Variants in METTL25 observed in about 807,000 individuals in gnomAD.
METTL25 encodes probable methyltransferase-like protein 25.
A neutral mutation model predicts 71.6 loss-of-function variants in METTL25; 64 were observed. The ratio of observed to expected loss-of-function variants is 0.89; its 90% CI spans 0.73 to 1.10. The LOEUF (loss-of-function observed/expected upper bound fraction) is 1.10. Ranked by LOEUF, METTL25 falls within the 50% of genes least tolerant of loss-of-function variation. The pLI is 0.00. For synonymous variants in METTL25, 287 were observed against 250.3 expected (o/e 1.15, Z -1.38); for missense variants, 807 against 707.0 (o/e 1.14, Z -1.60).
intron 5 of METTL25, among the ~76,000 whole-genome samples, chr12:82,429,663 G>T (rs1203435390): frequency 2.0e-5 from 3 of 151,432 alleles, no homozygotes; most frequent in African/African-American, 7.3e-5. Context: ...TACATGATTT[G>T]CATTTCCCTG....
intron 2 of METTL25, among the ~76,000 whole-genome samples, chr12:82,387,657 T>A (rs568732465): frequency 3.9e-4 from 59 of 152,080 alleles, no homozygotes; most frequent in African/African-American, 1.4e-3. Flanking sequence ...TTCACCTAGA[T>A]TCACCATGTG....
intron 8 of METTL25, among the ~76,000 whole-genome samples, chr12:82,456,089 C>A (rs1891469863): frequency 6.6e-6 from 1 of 151,866 alleles, no homozygotes; most frequent in South Asian, 2.1e-4. Context: ...AATGAGGCTT[C>A]ATTCCTTGTT....
intron 9 of METTL25, 144 bp from the exon 10 acceptor site, chr12:82,476,500 T>C: frequency 1.6e-6 from 1 of 606,956 alleles, no homozygotes; most frequent in Non-Finnish European, 2.9e-6. Context: ...CTTGACTTGC[T>C]TCATGAATAT....
intron 1 of METTL25, among the ~76,000 whole-genome samples, chr12:82,373,727 C>T (rs932130494): frequency 3.9e-5 from 6 of 152,176 alleles, no homozygotes; most frequent in African/African-American, 1.2e-4. Flanking sequence ...TCTGTCAACC[C>T]TTGGCTCAGC....
At chr12:82,421,598 GC>G (rs1176670413) in intron 5 of METTL25, among the ~76,000 whole-genome samples, 1 of 151,486 alleles carries the variant, frequency 6.6e-6, no homozygotes, top group Non-Finnish European at 1.5e-5. Flanking sequence ...AGATAGAGAA[GC>G]CAAAAACCCT....
intron 1 of METTL25, among the ~76,000 whole-genome samples, chr12:82,367,255 T>C (rs1205223363): frequency 6.6e-6 from 1 of 152,236 alleles, no homozygotes; most frequent in Non-Finnish European, 1.5e-5. Context: ...TGGTTGCCTC[T>C]ATTCGTTTGG....
chr12:82,399,350 A>T lies in METTL25; in HGVS notation c.1087A>T (p.Ile363Phe), dbSNP rs770667481. 1.2e-6 allele frequency: 2 copies of T among 1,602,576 alleles called. No homozygotes were observed. Among genetic ancestry groups the T allele is most frequent in the South Asian group, 1.1e-5 (1 of 88,428 alleles). The part of the protein sequence containing the change: ...SNIYSPLTSF[I>F]TADSELHDII... The stretch of plus-strand genomic sequence containing the variant: ...TATATATTCACCTTTAACCTCTTTT[A>T]TCACTGCTGATTCAGAACTCCATGA... The change falls in exon 4 of 12, where the codon ATC becomes TTC. Residue 363 changes from isoleucine to phenylalanine, a missense_variant. Coordinates refer to ENST00000248306, the MANE Select transcript of METTL25 (RefSeq NM_032230.3).
chr12:82,378,100 C>T (rs1884063096), intron 1 of METTL25, among the ~76,000 whole-genome samples: 1 of 151,966 alleles, frequency 6.6e-6, no homozygotes, highest in Non-Finnish European at 1.5e-5. Flanking sequence ...GTGCTGAAAA[C>T]TGTTGGTTCT....
intron 8 of METTL25, among the ~76,000 whole-genome samples, chr12:82,442,501 C>A (rs536883955): frequency 1.3e-5 from 2 of 152,202 alleles, no homozygotes; most frequent in South Asian, 2.1e-4. Flanking sequence ...CCATATGATT[C>A]TATTTATATA....
rs185248478 is a variant in METTL25, at chr12:82,436,505, T to A, written c.1404+1781T>A. 7.9e-5 allele frequency among the ~76,000 whole-genome samples: 12 copies of A among 151,604 alleles called. No individual in the cohort carries two copies. The East Asian group carries it at 2.1e-3, about 27-fold the overall frequency. On this transcript the variant is annotated intron_variant, in intron 7 of 11. Coordinates refer to ENST00000248306, the MANE Select transcript of METTL25 (RefSeq NM_032230.3). ...TATTTACCAGGATAGGTAGTCCGAC[T>A]TAGTTATTCCAGTAATGCACATTTG... is the stretch of plus-strand genomic sequence containing the variant.
At chr12:82,441,851 A>C (rs1890370875) in intron 8 of METTL25, among the ~76,000 whole-genome samples, 2 of 135,380 alleles carry the variant, frequency 1.5e-5, no homozygotes, top group Non-Finnish European at 3.2e-5. Context: ...CTGTGACTCC[A>C]CTCTCACCTA....
At chr12:82,439,076 G>A (rs1376896204) in intron 8 of METTL25, 3 of 206,358 alleles carry the variant, frequency 1.5e-5, no homozygotes, top group South Asian at 1.7e-4. Flanking sequence ...AAATAGTTCA[G>A]TGACGATATT....
chr12:82,434,605 A>T lies in METTL25; in HGVS notation c.1375-90A>T, dbSNP rs543881558. ...ATTATCACATAATTAATCTTTCTAA[A>T]TGTCAGTTTTACAAACTCTTATACA... On this transcript the variant is annotated intron_variant, in intron 6 of 11. Coordinates refer to ENST00000248306, the MANE Select transcript of METTL25 (RefSeq NM_032230.3). 9.2e-5 allele frequency: 94 copies of T among 1,021,814 alleles called. No individual in the cohort carries two copies. In the African/African-American group the frequency reaches 1.4e-3, roughly 16 times the overall value. 63.3% of individuals were successfully genotyped at this position (1,021,814 alleles called of 1,614,324 possible). A position where few individuals can be genotyped will look rare whatever the true frequency, so the allele number is the denominator to read the frequency against.
intron 1 of METTL25, among the ~76,000 whole-genome samples, chr12:82,365,341 A>C (rs1264680212): frequency 6.6e-6 from 1 of 152,198 alleles, no homozygotes; most frequent in African/African-American, 2.4e-5. Flanking sequence ...TACAGATTAC[A>C]ATAAAATACC....
intron 5 of METTL25, among the ~76,000 whole-genome samples, chr12:82,424,605 A>AC (rs1888845461): frequency 6.6e-6 from 1 of 152,020 alleles, no homozygotes; most frequent in African/African-American, 2.4e-5. Context: ...ACAGAAGACT[A>AC]TAGGATTCCA....
intron 4 of METTL25, among the ~76,000 whole-genome samples, chr12:82,400,644 G>A (rs1216375771): frequency 6.6e-6 from 1 of 151,866 alleles, no homozygotes; most frequent in Non-Finnish European, 1.5e-5. Flanking sequence ...AAATCTTGCT[G>A]AAAATATATG....
At chr12:82,366,635 ATTG>A (rs1449379384) in intron 1 of METTL25, among the ~76,000 whole-genome samples, 1 of 147,268 alleles carries the variant, frequency 6.8e-6, no homozygotes, top group Admixed American at 6.8e-5. Flanking sequence ...AGTAGTTTTT[ATTG>A]TTGGTGGTGG....
chr12:82,476,750 A>G (rs367889734), intron 10 of METTL25, 32 bp downstream of exon 10: 3 of 1,405,384 alleles, frequency 2.1e-6, no homozygotes, highest in Non-Finnish European at 3.0e-6. Flanking sequence ...ATTAAATTGG[A>G]TATGTTGCTA....
At position 82,358,574 on chromosome 12, in the gene METTL25, T is replaced by C; in HGVS notation, c.9T>C (p.Ala3=). Residue 3 remains alanine, a synonymous_variant, in exon 1 of 12, where the codon GCT becomes GCC. Transcript: ENST00000248306. The part of the protein sequence containing the change: MA[A]SCPLPVTPDL... Reference sequence around the variant, plus strand: ...CTCGGAGGGTGAGCGTCATGGCGGCTTCTTGCCCTCTCCCGGTGACCCCGG... The same window carrying C: ...CTCGGAGGGTGAGCGTCATGGCGGCCTCTTGCCCTCTCCCGGTGACCCCGG... 1 of 1,611,096 alleles carries C rather than the reference T, an allele frequency of 6.2e-7. No individual in the cohort carries two copies. The highest frequency in any genetic ancestry group is 8.5e-7 in the Non-Finnish European group (1 of 1,179,784).
Sources: gnomAD v4.1 joint callset for allele counts (sites outside exome capture counted in the v4.1 genomes callset) on GRCh38, gnomAD v4.1.1 for gene constraint, MANE v1.5 for transcripts, NCBI Gene and HGNC (gene_info 2026-07-23, HGNC 2026-07-21) for gene names.